ZSCAN12: variants seen among roughly 807,000 people sequenced by gnomAD.
ZSCAN12 encodes zinc finger and SCAN domain containing 12, also known as zinc finger and SCAN domain-containing protein 12.
A neutral mutation model predicts 23.4 loss-of-function variants in ZSCAN12; 18 were observed. The observed-to-expected ratio is 0.77, with a 90% confidence interval of 0.53 to 1.14. The LOEUF (loss-of-function observed/expected upper bound fraction) is 1.14, where lower values mean the gene tolerates loss of function less well. Ranked by LOEUF, ZSCAN12 falls within the 50% of genes most tolerant of loss-of-function variation. The probability of loss-of-function intolerance (pLI) is 0.00; values close to 1 mark genes in which losing one functional copy is unlikely to be tolerated. For missense variants in ZSCAN12, 650 were observed against 735.0 expected (o/e 0.88, Z 1.34); for synonymous variants, 186 against 253.4 (o/e 0.73, Z 2.53).
downstream of ZSCAN12, chr6:28,382,361 G>C: frequency 2.2e-6 from 3 of 1,371,100 alleles, no homozygotes. Context: ...TCTTCTGACA[G>C]CTCTGTAAAG....
Position 28,390,898 on chromosome 6 carries a change from A to G in ZSCAN12, c.1392T>C (p.Thr464=). 4 of 1,570,042 alleles carry G rather than the reference A, an allele frequency of 2.5e-6. No individual in the cohort carries two copies. The highest frequency in any genetic ancestry group is 3.5e-6 in the Non-Finnish European group (4 of 1,157,046). Reference sequence around the variant, plus strand: ...CGTCACATTTGTAGGGTTTTTCCCCAGTGTGAATTCTCTGATGCTGAATAA... The same window carrying G: ...CGTCACATTTGTAGGGTTTTTCCCCGGTGTGAATTCTCTGATGCTGAATAA... ...SGLIQHQRIH[T]GEKPYKCDVC... The change falls in exon 4 of 4, where the codon ACT becomes ACC. Residue 464 remains threonine (T), a synonymous_variant. Transcript: ENST00000684592.
downstream of ZSCAN12, chr6:28,381,410 A>G (rs1185387953): frequency 6.6e-6 from 1 of 152,212 alleles, no homozygotes; most frequent in Non-Finnish European, 1.5e-5. Context: ...TGGGGAAATC[A>G]ATAAACTGGA....
chr6:28,380,495 A>G (rs1760178083), downstream of ZSCAN12: 1 of 153,106 alleles, frequency 6.5e-6, no homozygotes, highest in Non-Finnish European at 1.5e-5. Context: ...AGGCCTCCTC[A>G]GTTATTACAT....
chr6:28,383,719 T>C (rs1382852749), downstream of ZSCAN12, among the ~76,000 whole-genome samples: 5 of 152,276 alleles, frequency 3.3e-5, no homozygotes, highest in East Asian at 5.8e-4. Context: ...AAATCTCTCC[T>C]TTCCAGCTTG....
rs1322580763 is a variant in ZSCAN12 at position 28,391,572 on chromosome 6, A to T, written c.718T>A (p.Ser240Thr). 6.4e-7 allele frequency: 1 copy of T among 1,552,202 alleles called. No homozygotes were observed. Among genetic ancestry groups the T allele is most frequent in the South Asian group, 1.2e-5 (1 of 84,068 alleles). ...CAGGTAGGTTGTTTATCTTCTCTGG[A>T]GCAAGCAGAGGGCTCTTCTGTTATT... ...EEITEEPSAC[S>T]REDKQPTCDE... Residue 240 changes from serine to threonine, a missense_variant, in exon 4 of 4, where the codon TCC becomes ACC. By Grantham distance (58) the Ser-to-Thr change is moderately conservative (BLOSUM62 1). Transcript: ENST00000684592. This position sits in a 1 kb window ranked among gnomAD's most constrained non-coding sequence, Gnocchi z 4.1.
chr6:28,390,741 T>C lies in ZSCAN12; in HGVS notation c.1549A>G (p.Arg517Gly), dbSNP rs768180394. Residue 517 changes from arginine (R) to glycine (G), a missense_variant, in exon 4 of 4, where the codon AGA (arginine) becomes GGA (glycine). Arg to Gly is a moderately radical substitution (Grantham distance 125, BLOSUM62 -2). Transcript: ENST00000684592. ...TQRSVLTEHQ[R>G]IHTGERPYKC... ...TAGGGCCTCTCTCCAGTGTGGATTC[T>C]CTGATGTTCCGTGAGGACTGATCTT... 6.2e-7 allele frequency: 1 copy of C among 1,611,678 alleles called. No homozygotes were observed. The highest frequency in any genetic ancestry group is 8.5e-7 in the Non-Finnish European group (1 of 1,178,752).
intron 1 of ZSCAN12, among the ~76,000 whole-genome samples, chr6:28,398,909 G>C (rs1380008836): frequency 6.8e-6 from 1 of 147,692 alleles, no homozygotes; most frequent in African/African-American, 2.5e-5. Context: ...CTCCAGCCTG[G>C]GCGACAGAGC....
In ZSCAN12 at chr6:28,398,005, T is replaced by C; in HGVS notation, c.401A>G (p.Gln134Arg). Residue 134 changes from glutamine (Q) to arginine (R), a missense_variant and splice_region_variant, in exon 2 of 4, where the codon CAG becomes CGG. Physicochemically the swap from Gln to Arg is conservative, Grantham distance 43 (BLOSUM62 1). Transcript: ENST00000684592. Reference protein sequence around the residue: ...LERELDEPGEQVSVHTGEQEM... With the variant: ...LERELDEPGERVSVHTGEQEM... ...CAGAAGTCACATCTTTTTTCTCACCTGCTCTCCTGGTTCATCCAGTTCTCT... is the reference window on the plus strand; with the variant it reads ...CAGAAGTCACATCTTTTTTCTCACCCGCTCTCCTGGTTCATCCAGTTCTCT... The C allele has an allele frequency of 1.3e-6, 2 of 1,572,158 alleles. No individual in the cohort carries two copies. The highest frequency in any genetic ancestry group is 1.2e-5 in the South Asian group (1 of 84,554).
Position 28,398,270 on chromosome 6 carries a change from G to A in ZSCAN12, c.136C>T (p.Arg46Cys), listed in dbSNP as rs950973823. 4 of 1,610,946 alleles carry A rather than the reference G, an allele frequency of 2.5e-6. No homozygotes were observed. Among genetic ancestry groups the A allele is most frequent in the South Asian group, 1.1e-5 (1 of 90,648 alleles). ...KNNTHSREVFRQYFRQFCYQE... is the reference protein window; with the variant it reads ...KNNTHSREVFCQYFRQFCYQE... ...TAGCAGAACTGTCTGAAGTACTGAC[G>A]GAAGACCTCTCTGCTATGGGTGTTG... Residue 46 changes from arginine (R) to cysteine (C), a missense_variant, in exon 2 of 4, where the codon CGT (arginine) becomes TGT (cysteine). Physicochemically the swap from Arg to Cys is radical, Grantham distance 180. Transcript: ENST00000684592.
downstream of ZSCAN12, among the ~76,000 whole-genome samples, chr6:28,382,966 T>C (rs147228701): frequency 1.0e-5 from 1 of 98,610 alleles, no homozygotes; most frequent in African/African-American, 5.4e-5. Context: ...ACGGCAGAGA[T>C]AAGAACATCA....
At position 28,391,224 on chromosome 6, in the gene ZSCAN12, T is replaced by G. The variant is rs1760810625; in HGVS notation, c.1066A>C (p.Lys356Gln). 6.4e-7 allele frequency: 1 copy of G among 1,551,786 alleles called. No homozygotes were observed. The highest frequency in any genetic ancestry group is 1.2e-5 in the South Asian group (1 of 84,066). The change falls in exon 4 of 4, where the codon AAA becomes CAA. Residue 356 changes from lysine (K) to glutamine (Q), a missense_variant. Lys to Gln is a moderately conservative substitution (Grantham distance 53). Transcript: ENST00000684592. This position sits in a 1 kb window ranked among gnomAD's most constrained non-coding sequence, Gnocchi z 4.1. ...CCACAGTCATTACAGTGATAGTGTT[T>G]TTCTCCTGTGTGAAGTCTCTGATGT... is the stretch of plus-strand genomic sequence containing the variant. ...NQHQRLHTGE[K>Q]HYHCNDCGKA...
At chr6:28,398,994 T>C (rs1428609584) in intron 1 of ZSCAN12, among the ~76,000 whole-genome samples, 2 of 151,836 alleles carry the variant, frequency 1.3e-5, no homozygotes, top group Admixed American at 6.6e-5. Context: ...TGCCAAGTTG[T>C]TTCAGGACTT....
rs746817626 is a variant in ZSCAN12 at position 28,390,767 on chromosome 6, T to A, written c.1523A>T (p.Gln508Leu). ...CTGATGTTCCGTGAGGACTGATCTT[T>A]GAGTAAACGCCTTCCCACACTTATC... ...KCDKCGKAFT[Q>L]RSVLTEHQRI... Residue 508 changes from glutamine to leucine, a missense_variant, in exon 4 of 4, where the codon CAA becomes CTA. By Grantham distance (113) the Gln-to-Leu change is moderately radical (BLOSUM62 -2). Transcript: ENST00000684592. 5 of 1,606,890 alleles carry A rather than the reference T, an allele frequency of 3.1e-6. No homozygotes were observed. In the South Asian group the frequency reaches 4.4e-5, roughly 14 times the overall value.
chr6:28,395,239 C>G (rs1761046974), intron 2 of ZSCAN12, among the ~76,000 whole-genome samples: 1 of 151,996 alleles, frequency 6.6e-6, no homozygotes, highest in African/African-American at 2.4e-5. Context: ...CTGGCCCAAA[C>G]CCTAAGTTTT....
chr6:28,393,174 C>G (rs2113986792), intron 2 of ZSCAN12, 128 bp from the exon 3 acceptor site: 1 of 975,920 alleles, frequency 1.0e-6, no homozygotes, highest in South Asian at 1.8e-5. Context: ...TAACCCTACC[C>G]ATTCTTCAAG....
chr6:28,380,078 C>T (rs565270042), downstream of ZSCAN12: 8 of 152,332 alleles, frequency 5.3e-5, no homozygotes, highest in African/African-American at 1.9e-4. Context: ...ATCTAAGAAA[C>T]TAATTTAATG....
chr6:28,381,053 A>G (rs1760209108), downstream of ZSCAN12: 1 of 152,196 alleles, frequency 6.6e-6, no homozygotes, highest in East Asian at 1.9e-4. Context: ...GGGGGGTCCA[A>G]TTTGGGTGAG....
rs1309754055 is a variant in ZSCAN12, at chr6:28,392,992, G to A, written c.457C>T (p.Arg153Ter). The change falls in exon 3 of 4, where the codon CGA becomes TGA. Residue 153 changes from arginine to a stop codon, truncating the protein, a stop_gained. Coordinates refer to ENST00000684592, the MANE Select transcript of ZSCAN12 (RefSeq NM_001163391.2). LOFTEE classifies it high-confidence loss of function. Reference sequence around the variant, plus strand: ...GACATACTGGGTTCTCCTTCTTTTCGTAGACGTACCGTCTCCTGCAAGAAC... The same window carrying A: ...GACATACTGGGTTCTCCTTCTTTTCATAGACGTACCGTCTCCTGCAAGAAC... Reference protein sequence around the residue: ...EMFLQETVRLRKEGEPSMSLQ... With the variant: ...EMFLQETVRL 11 of 1,551,864 alleles carry A rather than the reference G, an allele frequency of 7.1e-6. No homozygotes were observed. The highest frequency in any genetic ancestry group is 2.4e-5 in the East Asian group (1 of 40,916).
At chr6:28,397,875 A>C in intron 2 of ZSCAN12, 129 bp downstream of exon 2, 1 of 1,182,764 alleles carries the variant, frequency 8.5e-7, no homozygotes, top group Non-Finnish European at 1.1e-6. Flanking sequence ...CTTTCCGTGA[A>C]ACTCATGCCC....
Sources: gnomAD v4.1 joint callset for allele counts (sites outside exome capture counted in the v4.1 genomes callset) on GRCh38, gnomAD v4.1.1 for gene constraint, Gnocchi (gnomAD v3.1) non-coding constraint, MANE v1.5 for transcripts, NCBI Gene and HGNC (gene_info 2026-07-23, HGNC 2026-07-21) for gene names.